The following SHF variants were observed in gnomAD, a reference collection of about 807,000 sequenced individuals.
SHF encodes the protein Src homology 2 domain containing F.
A neutral mutation model predicts 42.4 loss-of-function variants in SHF; 30 were observed. The observed-to-expected ratio is 0.71, with a 90% confidence interval of 0.53 to 0.96. The LOEUF is 0.96. SHF is among the 40% of genes least tolerant of loss of function. The probability of loss-of-function intolerance (pLI) is 0.00; values close to 1 mark genes in which losing one functional copy is unlikely to be tolerated. For missense variants in SHF, 598 were observed against 634.0 expected (o/e 0.94, Z 0.61); for synonymous variants, 264 against 269.9 (o/e 0.98, Z 0.21).
chr15:45,175,594 C>G (rs1227382059), intron 2 of SHF, among the ~76,000 whole-genome samples, 169 bp from the exon 3 acceptor site: 1 of 152,166 alleles, frequency 6.6e-6, no homozygotes, highest in Admixed American at 6.5e-5. Flanking sequence ...CAAAACACTT[C>G]TGGGTCTCTA....
At chr15:45,196,338 C>A (rs969510932) in intron 2 of SHF, among the ~76,000 whole-genome samples, 1 of 152,200 alleles carries the variant, frequency 6.6e-6, no homozygotes, top group Non-Finnish European at 1.5e-5. Context: ...AGGTGATCCA[C>A]CTGCCTCGGC....
chr15:45,173,547 A>ACCC (rs1897634046), intron 4 of SHF, 29 bp downstream of exon 4: 1 of 1,470,994 alleles, frequency 6.8e-7, no homozygotes, highest in African/African-American at 1.4e-5. Context: ...AGGACATGTC[A>ACCC]CCCTGGCCAG....
At chr15:45,192,412 G>C (rs1300120505), upstream of SHF, among the ~76,000 whole-genome samples, 1 of 127,748 alleles carries the variant, frequency 7.8e-6, no homozygotes, top group African/African-American at 3.1e-5. Flanking sequence ...CTGTCATCCA[G>C]GCTGGAGTGC....
chr15:45,183,227 C>G (rs913921172), intron 1 of SHF, among the ~76,000 whole-genome samples: 17 of 152,234 alleles, frequency 1.1e-4, no homozygotes, highest in African/African-American at 4.1e-4. Flanking sequence ...AGAAACCGTG[C>G]AAGTGTGACT....
At chr15:45,181,911 G>A (rs1648308) in intron 1 of SHF, among the ~76,000 whole-genome samples, 1 of 152,108 alleles carries the variant, frequency 6.6e-6, no homozygotes, top group Non-Finnish European at 1.5e-5. Context: ...GATATAGCCA[G>A]AATGCTGCTG....
chr15:45,200,844 G>A, exon 1 of SHF: 1 of 456,338 alleles, frequency 2.2e-6, no homozygotes, highest in South Asian at 1.5e-5. Flanking sequence ...AGGGCATGGT[G>A]AGCGTCAGAG....
At chr15:45,173,044 C>T (rs1464468379) in intron 4 of SHF, among the ~76,000 whole-genome samples, 2 of 152,236 alleles carry the variant, frequency 1.3e-5, no homozygotes, top group East Asian at 3.8e-4. Flanking sequence ...CATTCAGGCA[C>T]AAATGTACGA....
chr15:45,198,936 T>G, exon 2 of SHF: 1 of 1,613,878 alleles, frequency 6.2e-7, no homozygotes, highest in South Asian at 1.1e-5. Flanking sequence ...GGCGTGAGCA[T>G]CCAGGAATGG....
intron 2 of SHF, among the ~76,000 whole-genome samples, chr15:45,195,491 C>T (rs1898836612): frequency 6.6e-6 from 1 of 152,192 alleles, no homozygotes; most frequent in Admixed American, 6.5e-5. Flanking sequence ...TCCTTGAAAA[C>T]TTCTTCTAAA....
At chr15:45,169,245 C>G (rs1294714299) in intron 6 of SHF, among the ~76,000 whole-genome samples, 1 of 152,160 alleles carries the variant, frequency 6.6e-6, no homozygotes, top group Non-Finnish European at 1.5e-5. Flanking sequence ...AAGGCTCTGC[C>G]CGGACCCATT....
Position 45,200,414 on chromosome 15 carries a change from G to A in SHF, c.-47+313C>T, listed in dbSNP as rs1356410515. 12 of 232,248 alleles carry A rather than the reference G, an allele frequency of 5.2e-5. No homozygotes were observed. The East Asian group carries it at 7.4e-4, about 14-fold the overall frequency. The allele number at this position is 232,248 out of a possible 1,614,324, so 14.4% of individuals were successfully genotyped here. Reference sequence around the variant, plus strand: ...CTTGCCGTGCCATTGTCCTCACAATGCCGTGACTCGGATTCGAACCGAGGT... The same window carrying A: ...CTTGCCGTGCCATTGTCCTCACAATACCGTGACTCGGATTCGAACCGAGGT... On this transcript the variant is annotated intron_variant, in intron 1 of 7. Transcript: ENST00000290894.
At chr15:45,197,036 T>G (rs1375300057) in intron 2 of SHF, among the ~76,000 whole-genome samples, 1 of 152,146 alleles carries the variant, frequency 6.6e-6, no homozygotes, top group Non-Finnish European at 1.5e-5. Context: ...CACACTTTTC[T>G]TTTTAGTGAA....
chr15:45,173,564 C>A lies in SHF; in HGVS notation c.988+12G>T. On this transcript the variant is annotated intron_variant, in intron 4 of 6. Transcript: ENST00000690270. ...GACATGTCACCCTGGCCAGAAGCCC[C>A]CCAGGACCCACCGCTGCTGTCCTCC... 1 of 1,505,526 alleles carries A rather than the reference C, an allele frequency of 6.6e-7. No homozygotes were observed. The allele number at this position is 1,505,526 out of a possible 1,614,324, so 93.3% of individuals were successfully genotyped here.
Position 45,175,368 on chromosome 15 carries a change from T to C in SHF, c.698A>G (p.Tyr233Cys). 1 of 1,598,118 alleles carries C rather than the reference T, an allele frequency of 6.3e-7. No individual in the cohort carries two copies. Among genetic ancestry groups the C allele is most frequent in the Admixed American group, 1.7e-5 (1 of 57,692 alleles). ...GGTGGCCCCATCCTCCTCTGGCTCA[T>C]AGGGTGTGTCATACAGAGGCAAGGG... ...TQPLPLYDTP[Y>C]EPEEDGATAE... The change falls in exon 3 of 7, where the codon TAT becomes TGT. Residue 233 changes from tyrosine (Y) to cysteine (C), a missense_variant. Transcript: ENST00000690270.
At chr15:45,193,856 G>A (rs1898783436) in intron 2 of SHF, among the ~76,000 whole-genome samples, 1 of 151,622 alleles carries the variant, frequency 6.6e-6, no homozygotes. Context: ...GTCATTCCAA[G>A]TCAAGAGGTC....
At chr15:45,181,039 T>G (rs186057399) in intron 1 of SHF, 12 of 152,394 alleles carry the variant, frequency 7.9e-5, no homozygotes, top group African/African-American at 2.9e-4. Context: ...TCCCCACCCC[T>G]AATCCTCCAC....
Position 45,182,111 on chromosome 15 carries a change from C to T in SHF, c.499-3805G>A, listed in dbSNP as rs556914226. 3.3e-5 allele frequency among the ~76,000 whole-genome samples: 5 copies of T among 152,294 alleles called. No individual in the cohort carries two copies. In the South Asian group the frequency reaches 1.0e-3, roughly 32 times the overall value. On this transcript the variant is annotated intron_variant, in intron 1 of 6. Coordinates refer to ENST00000690270, the MANE Select transcript of SHF (RefSeq NM_001394037.1). ...CCTGCTCAAGCCTCTCCTGTGGTAG[C>T]TAGCAGGCCTGCCATCTGGTTCCTC... is the stretch of plus-strand genomic sequence containing the variant.
exon 2 of SHF, chr15:45,198,851 T>A (rs748252187): frequency 1.2e-5 from 20 of 1,614,010 alleles, no homozygotes; most frequent in Non-Finnish European, 1.4e-5. Flanking sequence ...CTTCTTCTGT[T>A]TTGGCCCATT....
At chr15:45,171,490 T>C (rs1008831463) in intron 6 of SHF, 1 of 208,166 alleles carries the variant, frequency 4.8e-6, no homozygotes, top group Non-Finnish European at 9.9e-6. Flanking sequence ...CTAGAACATC[T>C]TGGGCTTCCA....
Sources: allele counts gnomAD v4.1 joint callset (sites outside exome capture counted in the v4.1 genomes callset), GRCh38; gene constraint gnomAD v4.1.1; transcripts MANE v1.5; gene names NCBI Gene and HGNC (gene_info 2026-07-23, HGNC 2026-07-21).